The following EVI5 variants were observed in gnomAD, a reference collection of about 807,000 sequenced individuals.
EVI5 encodes ecotropic viral integration site 5 protein homolog.
In EVI5, 73 loss-of-function variants were observed where a neutral mutation model predicts 112.0. The ratio of observed to expected loss-of-function variants is 0.65; its 90% confidence interval spans 0.54 to 0.79. The LOEUF is 0.79. Ranked by LOEUF, EVI5 falls within the 30% of genes least tolerant of loss-of-function variation. The pLI is 0.00. For synonymous variants in EVI5, 305 were observed against 319.9 expected, an observed-to-expected ratio of 0.95 and a Z score of 0.50; for missense variants, 900 against 968.8, an observed-to-expected ratio of 0.93 and a Z score of 0.94.
intron 13 of EVI5, among the ~76,000 whole-genome samples, chr1:92,642,487 A>G (rs1453572021): frequency 6.6e-6 from 1 of 152,240 alleles, no homozygotes; most frequent in Non-Finnish European, 1.5e-5. Context: ...TTGGATTTTT[A>G]GAGAGACCTA....
At chr1:92,531,429 T>C (rs534154767) in intron 19 of EVI5, among the ~76,000 whole-genome samples, 1 of 152,126 alleles carries the variant, frequency 6.6e-6, no homozygotes, top group South Asian at 2.1e-4. Flanking sequence ...ATTCAGGAAA[T>C]ACAGAGAACA....
chr1:92,547,961 A>G (rs113110881), intron 19 of EVI5, among the ~76,000 whole-genome samples: 19,371 of 152,152 alleles, frequency 0.13, 1,380 homozygotes, highest in Middle Eastern at 0.19. Flanking sequence ...TATTCCAATC[A>G]ATAGAAAAAG....
chr1:92,756,023 G>A lies in EVI5; in HGVS notation c.-81-19396C>T, dbSNP rs1680904816. ...TATTTACTAGAACTATTTATGGATTGCTATGACATCTCTATCTAGCAGCTG... is the reference window on the plus strand; with the variant it reads ...TATTTACTAGAACTATTTATGGATTACTATGACATCTCTATCTAGCAGCTG... On this transcript the variant is annotated intron_variant, in intron 1 of 19. Transcript: ENST00000684568. 1.8e-5 allele frequency: 4 copies of A among 228,490 alleles called. No homozygotes were observed. The South Asian group carries it at 3.1e-4, about 18-fold the overall frequency. 14.2% of individuals were successfully genotyped at this position (228,490 alleles called of 1,614,324 possible).
chr1:92,576,348 C>T (rs949544419), intron 18 of EVI5, among the ~76,000 whole-genome samples: 30 of 151,902 alleles, frequency 2.0e-4, no homozygotes, highest in African/African-American at 6.3e-4. Flanking sequence ...TTATGTTAAA[C>T]ACAAGTATTG....
At chr1:92,710,804 G>A (rs1174037570) in intron 2 of EVI5, among the ~76,000 whole-genome samples, 1 of 152,136 alleles carries the variant, frequency 6.6e-6, no homozygotes, top group Non-Finnish European at 1.5e-5. Context: ...ATTAAAGATC[G>A]AGAGTCTAGG....
chr1:92,720,371 G>A (rs540658449), intron 2 of EVI5, among the ~76,000 whole-genome samples: 102 of 151,806 alleles, frequency 6.7e-4, no homozygotes, highest in South Asian at 2.1e-3. Flanking sequence ...AAATAACACC[G>A]CACATCTACA....
At chr1:92,632,588 C>T (rs1327034554) in intron 14 of EVI5, among the ~76,000 whole-genome samples, 2 of 152,020 alleles carry the variant, frequency 1.3e-5, no homozygotes, top group Non-Finnish European at 2.9e-5. Context: ...ATTAGTCTTG[C>T]TAGCGGTCTA....
At chr1:92,691,292 A>G (rs1217679773) in intron 9 of EVI5, among the ~76,000 whole-genome samples, 3 of 152,154 alleles carry the variant, frequency 2.0e-5, no homozygotes, top group Non-Finnish European at 4.4e-5. Context: ...CTGATGTATT[A>G]AAGAGTGAAG....
intron 2 of EVI5, among the ~76,000 whole-genome samples, chr1:92,719,194 C>A (rs867372831): frequency 6.6e-6 from 1 of 151,456 alleles, no homozygotes. Context: ...AACTCATTTT[C>A]TGAGGCCAGC....
At chr1:92,681,651 T>G (rs1427067226) in intron 9 of EVI5, among the ~76,000 whole-genome samples, 3 of 152,134 alleles carry the variant, frequency 2.0e-5, no homozygotes, top group Non-Finnish European at 4.4e-5. Flanking sequence ...TTTCGCAAAA[T>G]CCTCTACTGG....
chr1:92,781,888 A>G (rs1360469598), intron 1 of EVI5, among the ~76,000 whole-genome samples: 1 of 148,234 alleles, frequency 6.7e-6, no homozygotes, highest in African/African-American at 2.5e-5. Flanking sequence ...TTGGGAGATC[A>G]AGATTGCAGT....
intron 15 of EVI5, among the ~76,000 whole-genome samples, chr1:92,624,685 A>T (rs965382821): frequency 2.2e-5 from 2 of 91,410 alleles, no homozygotes; most frequent in African/African-American, 9.7e-5. Flanking sequence ...TCTAGTCTCT[A>T]CTTCAAAAAA....
intron 19 of EVI5, among the ~76,000 whole-genome samples, chr1:92,522,859 G>C (rs533215355): frequency 1.3e-5 from 2 of 152,246 alleles, no homozygotes; most frequent in South Asian, 4.1e-4. Flanking sequence ...CTGGGCTCAA[G>C]TGATCCTCCT....
intron 6 of EVI5, 78 bp downstream of exon 6, chr1:92,697,782 A>G (rs1324042529): frequency 3.4e-6 from 4 of 1,174,182 alleles, no homozygotes; most frequent in Non-Finnish European, 4.9e-6. Context: ...TTAACATTAA[A>G]TTTGCTTAGT....
In EVI5 at chr1:92,657,282, T is replaced by A. The variant is rs148452875; in HGVS notation, c.1392+5437A>T. Among the ~76,000 whole-genome samples the A allele has an allele frequency of 1.4e-3, 215 of 152,246 alleles. 1 individual carries two copies. Among genetic ancestry groups the A allele is most frequent in the Non-Finnish European group, 2.4e-3 (163 of 68,004 alleles). On this transcript the variant is annotated intron_variant, in intron 13 of 19. Coordinates refer to ENST00000684568, the MANE Select transcript of EVI5 (RefSeq NM_001350197.2). ...AACAGAACTAAAAACAAAAACTGTA[T>A]GATCATCTCAACAGATGCAAAAAAA...
intron 13 of EVI5, among the ~76,000 whole-genome samples, chr1:92,651,558 T>G (rs1193378563): frequency 6.6e-6 from 1 of 152,160 alleles, no homozygotes; most frequent in Non-Finnish European, 1.5e-5. Flanking sequence ...GCAAGGATAT[T>G]AAGAAATTGG....
intron 18 of EVI5, among the ~76,000 whole-genome samples, chr1:92,581,112 C>T (rs1571678919): frequency 6.6e-6 from 1 of 152,194 alleles, no homozygotes; most frequent in African/African-American, 2.4e-5. Flanking sequence ...ATTCCAAGTA[C>T]GCTAATGATA....
intron 16 of EVI5, 61 bp downstream of exon 16, chr1:92,624,115 G>T: frequency 7.2e-7 from 1 of 1,390,396 alleles, no homozygotes. Flanking sequence ...GATACAATCT[G>T]TGCACAAACC....
chr1:92,642,457 T>A (rs1660172636), intron 13 of EVI5, among the ~76,000 whole-genome samples: 1 of 152,192 alleles, frequency 6.6e-6, no homozygotes, highest in Admixed American at 6.5e-5. Flanking sequence ...AAATTATAAG[T>A]GTAAAGTCAT....
Sources: gnomAD v4.1 joint callset for allele counts (sites outside exome capture counted in the v4.1 genomes callset) on GRCh38, gnomAD v4.1.1 for gene constraint, MANE v1.5 for transcripts, NCBI Gene and HGNC (gene_info 2026-07-23, HGNC 2026-07-21) for gene names.